The following PTPRD variants were observed in gnomAD, a reference collection of about 807,000 sequenced individuals.
The protein encoded by PTPRD is receptor-type tyrosine-protein phosphatase delta.
PTPRD carries 34 observed loss-of-function variants against 214.5 expected under a neutral mutation model. The ratio of observed to expected loss-of-function variants is 0.16; its 90% CI spans 0.12 to 0.21. The LOEUF (loss-of-function observed/expected upper bound fraction) is 0.21. Ranked by LOEUF, PTPRD falls within the 10% of genes least tolerant of loss-of-function variation. The pLI, the probability that PTPRD is intolerant of heterozygous loss-of-function variation, is 1.00. For synonymous variants in PTPRD, 1,128 were observed against 845.7 expected (o/e 1.33, Z -5.79); for missense variants, 2,545 against 2,398.7 (o/e 1.06, Z -1.27).
chr9:10,557,312 A>T (rs2062834199), intron 2 of PTPRD, among the ~76,000 whole-genome samples: 1 of 152,172 alleles, frequency 6.6e-6, no homozygotes, highest in Admixed American at 6.6e-5. Context: ...TAAAATGTCA[A>T]CATAACACAG....
chr9:9,624,921 T>G (rs946488868), intron 7 of PTPRD, among the ~76,000 whole-genome samples: 2 of 151,992 alleles, frequency 1.3e-5, no homozygotes, highest in Non-Finnish European at 2.9e-5. Context: ...ACTTATTAAG[T>G]GTGCTTTTCT....
intron 9 of PTPRD, among the ~76,000 whole-genome samples, chr9:9,276,135 T>C (rs1451714231): frequency 6.6e-6 from 1 of 151,334 alleles, no homozygotes; most frequent in African/African-American, 2.4e-5. Context: ...GTCCCGTCAG[T>C]GGCACATTTT....
chr9:10,528,916 TG>T (rs1432265077), intron 2 of PTPRD, among the ~76,000 whole-genome samples: 1 of 152,178 alleles, frequency 6.6e-6, no homozygotes, highest in African/African-American at 2.4e-5. Flanking sequence ...TATGTTTGTG[TG>T]GATAGGGTTA....
At chr9:9,222,127 AG>A (rs2099956495) in intron 9 of PTPRD, among the ~76,000 whole-genome samples, 1 of 152,056 alleles carries the variant, frequency 6.6e-6, no homozygotes, top group African/African-American at 2.4e-5. Flanking sequence ...AAACTTACAA[AG>A]TTTATTAGTA....
intron 2 of PTPRD, among the ~76,000 whole-genome samples, chr9:10,389,250 C>A (rs2098001406): frequency 6.6e-6 from 1 of 151,796 alleles, no homozygotes; most frequent in South Asian, 2.1e-4. Flanking sequence ...GAAAGGTTTA[C>A]AAATAACAGT....
chr9:9,321,416 G>A (rs113594587), intron 9 of PTPRD, among the ~76,000 whole-genome samples: 26,944 of 151,836 alleles, frequency 0.18, 2,628 homozygotes, highest in East Asian at 0.35. Context: ...TCAGCCGGGC[G>A]TGGTGGTGCA....
chr9:9,211,783 A>G (rs2099948908), intron 9 of PTPRD, among the ~76,000 whole-genome samples: 1 of 151,658 alleles, frequency 6.6e-6, no homozygotes, highest in South Asian at 2.1e-4. Context: ...ATCCTCATAA[A>G]TAGCCTAAGA....
At chr9:9,650,325 G>A (rs1427451863) in intron 7 of PTPRD, among the ~76,000 whole-genome samples, 1 of 152,144 alleles carries the variant, frequency 6.6e-6, no homozygotes. Context: ...GTCTCAGGTA[G>A]TTCTTTATAG....
intron 4 of PTPRD, among the ~76,000 whole-genome samples, chr9:9,940,504 T>C (rs2091148245): frequency 6.6e-6 from 1 of 152,198 alleles, no homozygotes. Flanking sequence ...ATTTGAGTCC[T>C]ATCTCTACCT....
intron 5 of PTPRD, among the ~76,000 whole-genome samples, chr9:9,776,829 C>T (rs184543248): frequency 2.0e-5 from 3 of 152,292 alleles, no homozygotes; most frequent in Admixed American, 1.3e-4. Flanking sequence ...CTCACTTCCA[C>T]TTCATAGCAC....
chr9:9,027,996 T>A (rs1377760075), intron 10 of PTPRD, among the ~76,000 whole-genome samples: 1 of 151,942 alleles, frequency 6.6e-6, no homozygotes, highest in Non-Finnish European at 1.5e-5. Flanking sequence ...TCTGTAATTC[T>A]CTGAGTGAAA....
chr9:9,975,548 C>G (rs1300872503), intron 4 of PTPRD, among the ~76,000 whole-genome samples: 1 of 152,200 alleles, frequency 6.6e-6, no homozygotes, highest in Non-Finnish European at 1.5e-5. Flanking sequence ...GCGTCTCAGA[C>G]TTTTCCAAAG....
At chr9:9,919,930 CTG>C (rs2082078057) in intron 5 of PTPRD, among the ~76,000 whole-genome samples, 1 of 152,118 alleles carries the variant, frequency 6.6e-6, no homozygotes, top group African/African-American at 2.4e-5. Context: ...CAGTAATAAT[CTG>C]TTACATTTGT....
intron 8 of PTPRD, among the ~76,000 whole-genome samples, chr9:9,533,360 G>T (rs148952547): frequency 6.6e-6 from 1 of 151,986 alleles, no homozygotes; most frequent in East Asian, 1.9e-4. Flanking sequence ...CGGCCAAAAT[G>T]CATTCATTAC....
intron 9 of PTPRD, among the ~76,000 whole-genome samples, chr9:9,288,324 C>G (rs1950134264): frequency 6.6e-6 from 1 of 151,772 alleles, no homozygotes; most frequent in African/African-American, 2.4e-5. Flanking sequence ...AATATAAAAT[C>G]ACTCTACCCT....
At chr9:8,672,057 T>C (rs1228183043) in intron 12 of PTPRD, among the ~76,000 whole-genome samples, 3 of 152,204 alleles carry the variant, frequency 2.0e-5, no homozygotes, top group African/African-American at 4.8e-5. Context: ...TTAAGGCTAT[T>C]ATCTCCTCAT....
chr9:8,588,256 C>T (rs1411715065), intron 14 of PTPRD, among the ~76,000 whole-genome samples: 1 of 152,112 alleles, frequency 6.6e-6, no homozygotes, highest in Non-Finnish European at 1.5e-5. Flanking sequence ...CCAGTGGGCC[C>T]ATACAAATTA....
chr9:8,820,167 T>G (rs1430018854), intron 11 of PTPRD, among the ~76,000 whole-genome samples: 2 of 152,166 alleles, frequency 1.3e-5, no homozygotes, highest in Non-Finnish European at 2.9e-5. Flanking sequence ...TCTTAAAATA[T>G]ATGCATATCT....
chr9:10,355,593 C>G (rs2097262295), intron 2 of PTPRD, among the ~76,000 whole-genome samples: 1 of 151,918 alleles, frequency 6.6e-6, no homozygotes, highest in Non-Finnish European at 1.5e-5. Flanking sequence ...ATTCTCCTTC[C>G]TCAGCCTCCA....
Sources: allele counts gnomAD v4.1 joint callset (sites outside exome capture counted in the v4.1 genomes callset), GRCh38; gene constraint gnomAD v4.1.1; transcripts MANE v1.5; gene names NCBI Gene and HGNC (gene_info 2026-07-23, HGNC 2026-07-21).